The following DLC1 variants were observed in gnomAD, a reference collection of about 807,000 sequenced individuals.
DLC1 encodes rho GTPase-activating protein 7.
A neutral mutation model predicts 140.3 loss-of-function variants in DLC1; 54 were observed. The observed-to-expected ratio is 0.38, with a 90% CI of 0.31 to 0.48. The LOEUF is 0.48. DLC1 is among the 20% of genes least tolerant of loss of function. The pLI is 0.96. For missense variants in DLC1, 2,536 were observed against 1,907.0 expected, an observed-to-expected ratio of 1.33 and a Z score of -6.14; for synonymous variants, 986 against 728.1, an observed-to-expected ratio of 1.35 and a Z score of -5.70.
chr8:13,490,163 A>C (rs768676065), intron 2 of DLC1, among the ~76,000 whole-genome samples: 2 of 152,188 alleles, frequency 1.3e-5, no homozygotes, highest in African/African-American at 2.4e-5. Context: ...ATGCTATTTC[A>C]ATATTTTCAA....
intron 1 of DLC1, among the ~76,000 whole-genome samples, chr8:13,586,114 C>T (rs1341976149): frequency 1.3e-5 from 2 of 152,114 alleles, no homozygotes; most frequent in Non-Finnish European, 2.9e-5. Flanking sequence ...TGGGCTCTCT[C>T]TGCTAATTGT....
intron 5 of DLC1, among the ~76,000 whole-genome samples, chr8:13,231,969 C>G (rs1413465555): frequency 1.3e-5 from 2 of 152,130 alleles, no homozygotes; most frequent in Non-Finnish European, 2.9e-5. Context: ...CCCTGTTTAC[C>G]TGCCACATCC....
chr8:13,276,528 G>T (rs1000951060), intron 5 of DLC1: 1 of 1,291,938 alleles, frequency 7.7e-7, no homozygotes, highest in Non-Finnish European at 9.8e-7. Flanking sequence ...TGGCACTGCG[G>T]CCCCGGGAAG....
chr8:13,585,991 C>A (rs1463034420), intron 1 of DLC1, among the ~76,000 whole-genome samples: 2 of 152,066 alleles, frequency 1.3e-5, no homozygotes, highest in African/African-American at 4.8e-5. Flanking sequence ...TTAGTGAAAT[C>A]ATTGTAGAGT....
At chr8:13,520,400 A>C (rs1313986790) in intron 1 of DLC1, among the ~76,000 whole-genome samples, 1 of 151,764 alleles carries the variant, frequency 6.6e-6, no homozygotes, top group Non-Finnish European at 1.5e-5. Context: ...GCATGTTCTC[A>C]CCCATAAGTG....
chr8:13,325,896 T>TTTC (rs1833325348), intron 4 of DLC1, among the ~76,000 whole-genome samples: 1 of 152,230 alleles, frequency 6.6e-6, no homozygotes, highest in Non-Finnish European at 1.5e-5. Flanking sequence ...TAACGATGAT[T>TTTC]TTCTATACAT....
chr8:13,440,248 G>C (rs1363277857), intron 2 of DLC1, among the ~76,000 whole-genome samples: 2 of 152,196 alleles, frequency 1.3e-5, no homozygotes, highest in African/African-American at 4.8e-5. Context: ...CATGTTGAGA[G>C]AAACAATGAA....
intron 4 of DLC1, among the ~76,000 whole-genome samples, chr8:13,324,631 T>G (rs1174134525): frequency 1.3e-5 from 2 of 152,138 alleles, no homozygotes; most frequent in East Asian, 3.9e-4. Context: ...TAGTTTTATT[T>G]TACTTTTTCT....
chr8:13,336,844 A>G (rs1833830310), intron 4 of DLC1, among the ~76,000 whole-genome samples: 1 of 152,070 alleles, frequency 6.6e-6, no homozygotes, highest in African/African-American at 2.4e-5. Context: ...TGTGACATTG[A>G]TGGTAACCCA....
chr8:13,230,849 G>A (rs1337017847), intron 5 of DLC1, among the ~76,000 whole-genome samples: 5 of 152,064 alleles, frequency 3.3e-5, no homozygotes, highest in East Asian at 1.9e-4. Flanking sequence ...TGCCCACCTC[G>A]GCCTCCCAAA....
chr8:13,168,026 A>C (rs1396889637), intron 5 of DLC1, among the ~76,000 whole-genome samples: 1 of 152,224 alleles, frequency 6.6e-6, no homozygotes, highest in Non-Finnish European at 1.5e-5. Flanking sequence ...TCTTAGGGAA[A>C]TTAAGCTTTT....
At chr8:13,313,814 G>T (rs181288159) in intron 4 of DLC1, among the ~76,000 whole-genome samples, 1 of 151,828 alleles carries the variant, frequency 6.6e-6, no homozygotes, top group Non-Finnish European at 1.5e-5. Context: ...TTTTCCCTAA[G>T]TTTTATAAAG....
At chr8:13,518,565 G>A (rs549516239), upstream of DLC1, among the ~76,000 whole-genome samples, 32 of 152,290 alleles carry the variant, frequency 2.1e-4, no homozygotes, top group African/African-American at 7.7e-4. Flanking sequence ...AACATTTTAT[G>A]TAAAGCAAGA....
rs187946706 is a variant in DLC1, at chr8:13,245,250, A to G, written c.1348+60019T>C. Among the ~76,000 whole-genome samples, 303 of 152,318 alleles carry G rather than the reference A, an allele frequency of 2.0e-3. 4 individuals are homozygous for G. The Middle Eastern group carries it at 0.02, about 10-fold the overall frequency. ...GTTGAGGCCCCACTGGGGTGTCTGC[A>G]TCAACCAGCAGGCACTAAAGACACC... On this transcript the variant is annotated intron_variant, in intron 5 of 17. Coordinates refer to ENST00000276297, the MANE Select transcript of DLC1 (RefSeq NM_182643.3).
chr8:13,255,556 G>T (rs139875110), intron 5 of DLC1, among the ~76,000 whole-genome samples: 69 of 152,310 alleles, frequency 4.5e-4, no homozygotes, highest in Non-Finnish European at 6.8e-4. Flanking sequence ...TAAATGAACA[G>T]ATGTGAGGGT....
chr8:13,372,992 A>AG (rs1835798032), intron 4 of DLC1, among the ~76,000 whole-genome samples: 1 of 152,188 alleles, frequency 6.6e-6, no homozygotes, highest in Admixed American at 6.5e-5. Context: ...GACATGGCTG[A>AG]GCCTAAACCC....
At chr8:13,125,097 C>A (rs897802602) in intron 5 of DLC1, among the ~76,000 whole-genome samples, 1 of 152,112 alleles carries the variant, frequency 6.6e-6, no homozygotes, top group Non-Finnish European at 1.5e-5. Context: ...CTTCCTCACC[C>A]TTCCAAGTAG....
At chr8:13,182,122 G>A (rs866992385) in intron 5 of DLC1, among the ~76,000 whole-genome samples, 1 of 152,134 alleles carries the variant, frequency 6.6e-6, no homozygotes, top group Non-Finnish European at 1.5e-5. Context: ...TCTGTTGGCT[G>A]CATAGATGTC....
At chr8:13,473,733 T>TATTTTATGTTATAAAAA (rs1429505381) in intron 2 of DLC1, among the ~76,000 whole-genome samples, 2 of 152,166 alleles carry the variant, frequency 1.3e-5, no homozygotes, top group Non-Finnish European at 2.9e-5. Context: ...AAGGTGACTC[T>TATTTTATGTTATAAAAA]TGTTATGTTT....
Sources: gnomAD v4.1 joint callset for allele counts (sites outside exome capture counted in the v4.1 genomes callset) on GRCh38, gnomAD v4.1.1 for gene constraint, MANE v1.5 for transcripts, NCBI Gene and HGNC (gene_info 2026-07-23, HGNC 2026-07-21) for gene names.